Variants in SENP6 observed in about 807,000 individuals in gnomAD.
SENP6 encodes sentrin-specific protease 6.
Under a neutral mutation model 134.5 loss-of-function variants are expected in SENP6, and 41 were observed. The ratio of observed to expected loss-of-function variants is 0.30; its 90% confidence interval spans 0.24 to 0.40. The LOEUF is 0.40. SENP6 is among the 10% of genes least tolerant of loss of function. The pLI is 1.00. For missense variants in SENP6, 1,248 were observed against 1,312.5 expected (o/e 0.95, Z 0.76); for synonymous variants, 395 against 429.8 (o/e 0.92, Z 1.00).
intron 1 of SENP6, among the ~76,000 whole-genome samples, chr6:75,605,981 G>A (rs1037196713): frequency 6.6e-6 from 1 of 152,138 alleles, no homozygotes; most frequent in Non-Finnish European, 1.5e-5. Context: ...GAGCTTACAG[G>A]ACTTGATGAA....
At chr6:75,659,149 G>T (rs1161151430) in intron 7 of SENP6, 113 bp from the exon 8 acceptor site, 3 of 745,820 alleles carry the variant, frequency 4.0e-6, no homozygotes, top group Non-Finnish European at 6.5e-6. Context: ...AATAAGAGAA[G>T]AGTAATCCAG....
chr6:75,697,354 T>C, intron 17 of SENP6, 71 bp from the exon 18 acceptor site: 1 of 1,075,070 alleles, frequency 9.3e-7, no homozygotes, highest in Non-Finnish European at 1.4e-6. Context: ...CTTCTTAATT[T>C]ATAAATCACT....
At chr6:75,712,992 A>G (rs1370291940) in intron 21 of SENP6, among the ~76,000 whole-genome samples, 2 of 152,166 alleles carry the variant, frequency 1.3e-5, no homozygotes, top group African/African-American at 4.8e-5. Flanking sequence ...CTGTAGTTAC[A>G]GCTCCTCAGG....
chr6:75,627,535 G>A (rs150699943), intron 3 of SENP6, among the ~76,000 whole-genome samples: 19 of 152,222 alleles, frequency 1.2e-4, no homozygotes, highest in African/African-American at 3.6e-4. Context: ...AGGATGAAGC[G>A]GGAGGATCGT....
chr6:75,673,044 G>A (rs1772804072), intron 11 of SENP6, among the ~76,000 whole-genome samples: 2 of 152,124 alleles, frequency 1.3e-5, no homozygotes, highest in Admixed American at 1.3e-4. Context: ...AGCCAGGATG[G>A]TCTCGATCTC....
chr6:75,620,132 G>C (rs1460063720), intron 1 of SENP6, among the ~76,000 whole-genome samples: 1 of 151,114 alleles, frequency 6.6e-6, no homozygotes, highest in Admixed American at 6.6e-5. Flanking sequence ...TAATGGGTGA[G>C]AAGTAGTATC....
rs374046095 is a variant in SENP6, at chr6:75,670,662, T to C, written c.1334T>C (p.Leu445Ser). ...CAAAGTTCCTTTGACAGTGTCATTT[T>C]AAACTGTCGAAGTATACGAGTAGGA... Reference protein sequence around the residue: ...SCQSSFDSVILNCRSIRVGTL... With the variant: ...SCQSSFDSVISNCRSIRVGTL... Residue 445 changes from leucine to serine, a missense_variant, in exon 11 of 24, where the codon TTA becomes TCA. Coordinates refer to ENST00000447266, the MANE Select transcript of SENP6 (RefSeq NM_015571.4). 6 of 1,613,434 alleles carry C rather than the reference T, an allele frequency of 3.7e-6. No individual in the cohort carries two copies. Among genetic ancestry groups the C allele is most frequent in the African/African-American group, 1.3e-5 (1 of 74,932 alleles).
chr6:75,707,334 A>AT (rs1335509134), intron 19 of SENP6, among the ~76,000 whole-genome samples: 1 of 90,230 alleles, frequency 1.1e-5, no homozygotes, highest in Non-Finnish European at 2.5e-5. Context: ...AGAGGTCATT[A>AT]TTTTTTTCTT....
chr6:75,715,375 G>A lies in SENP6; in HGVS notation c.3130-10G>A. ...ACAGTTTTCTAATACGCATTTAATTGTATTTTCAGAATCCAATTCTCAGTT... is the reference window on the plus strand; with the variant it reads ...ACAGTTTTCTAATACGCATTTAATTATATTTTCAGAATCCAATTCTCAGTT... On this transcript the variant is annotated splice_polypyrimidine_tract_variant and intron_variant, in intron 23 of 23. Coordinates refer to ENST00000447266, the MANE Select transcript of SENP6 (RefSeq NM_015571.4). 2 of 1,580,166 alleles carry A rather than the reference G, an allele frequency of 1.3e-6. No individual in the cohort carries two copies. The highest frequency in any genetic ancestry group is 1.7e-6 in the Non-Finnish European group (2 of 1,155,012).
At chr6:75,701,832 G>T (rs1017514915) in intron 18 of SENP6, among the ~76,000 whole-genome samples, 2 of 151,894 alleles carry the variant, frequency 1.3e-5, no homozygotes, top group African/African-American at 4.8e-5. Flanking sequence ...TAGAGACGGG[G>T]TTTCACTGTG....
At chr6:75,626,652 T>A (rs1320213618) in intron 3 of SENP6, among the ~76,000 whole-genome samples, 1 of 152,168 alleles carries the variant, frequency 6.6e-6, no homozygotes, top group Non-Finnish European at 1.5e-5. Flanking sequence ...TGGGATAGAT[T>A]CCTAGAATTG....
rs1776051703 is a variant in SENP6 at position 75,717,014 on chromosome 6, T to C, written c.*1420T>C. On this transcript the variant is annotated 3_prime_UTR_variant, in exon 24 of 24. Transcript: ENST00000447266. ...CACAGTAGAGTCTCAGTAAGAGAAATATTAAAATGTAAGAAAGGTCACCAT... is the reference window on the plus strand; with the variant it reads ...CACAGTAGAGTCTCAGTAAGAGAAACATTAAAATGTAAGAAAGGTCACCAT... 6.6e-6 allele frequency: 1 copy of C among 151,910 alleles called. No individual in the cohort carries two copies. Among genetic ancestry groups the C allele is most frequent in the South Asian group, 2.1e-4 (1 of 4,820 alleles). The allele number at this position is 151,910 out of a possible 1,614,324, so 9.4% of individuals were successfully genotyped here. A position where few individuals can be genotyped will look rare whatever the true frequency, so the allele number is the denominator to read the frequency against.
chr6:75,652,354 A>C (rs1477844696), intron 7 of SENP6, among the ~76,000 whole-genome samples: 1 of 151,864 alleles, frequency 6.6e-6, no homozygotes, highest in Non-Finnish European at 1.5e-5. Context: ...TTTTTTAAAT[A>C]AATGTGCAGT....
chr6:75,686,016 T>A (rs1404865852), intron 16 of SENP6, among the ~76,000 whole-genome samples: 1 of 152,166 alleles, frequency 6.6e-6, no homozygotes. Flanking sequence ...CCCATTATTA[T>A]TGTGTGGGAG....
At position 75,715,371 on chromosome 6, in the gene SENP6, A is replaced by C; in HGVS notation, c.3130-14A>C. On this transcript the variant is annotated splice_polypyrimidine_tract_variant and intron_variant, in intron 23 of 23. Transcript: ENST00000447266. ...TATTACAGTTTTCTAATACGCATTT[A>C]ATTGTATTTTCAGAATCCAATTCTC... 1 of 1,562,102 alleles carries C rather than the reference A, an allele frequency of 6.4e-7. No individual in the cohort carries two copies. The highest frequency in any genetic ancestry group is 8.8e-7 in the Non-Finnish European group (1 of 1,139,418).
In SENP6 at chr6:75,695,827, AGAAG is replaced by A; in HGVS notation, c.2104_2107del (p.Glu702ThrfsTer39). The A allele has an allele frequency of 1.3e-6, 2 of 1,597,568 alleles. No homozygotes were observed. Among genetic ancestry groups the A allele is most frequent in the Non-Finnish European group, 1.7e-6 (2 of 1,172,818 alleles). ...AGATACTTGGTGCTTGAAAAACTGA[AGAAG>A]GAAGACGCTGACCGAATTCATATAT... On this transcript the variant is annotated frameshift_variant, in exon 17 of 24. Transcript: ENST00000447266. LOFTEE classifies it high-confidence loss of function.
chr6:75,605,468 A>C (rs1305719608), intron 1 of SENP6, among the ~76,000 whole-genome samples: 5 of 152,212 alleles, frequency 3.3e-5, no homozygotes, highest in Non-Finnish European at 7.3e-5. Flanking sequence ...GATGATAAAC[A>C]GTATGATAAA....
intron 16 of SENP6, among the ~76,000 whole-genome samples, chr6:75,689,578 C>G (rs1398584892): frequency 2.0e-5 from 3 of 152,176 alleles, no homozygotes; most frequent in Non-Finnish European, 4.4e-5. Context: ...GGTATACAGT[C>G]TCGTGCCACA....
At chr6:75,693,439 A>T (rs985248917) in intron 16 of SENP6, among the ~76,000 whole-genome samples, 1 of 151,526 alleles carries the variant, frequency 6.6e-6, no homozygotes, top group Non-Finnish European at 1.5e-5. Flanking sequence ...ACACCAAAGT[A>T]GCCATTATAG....
Sources: allele counts gnomAD v4.1 joint callset (sites outside exome capture counted in the v4.1 genomes callset), GRCh38; gene constraint gnomAD v4.1.1; transcripts MANE v1.5; gene names NCBI Gene and HGNC (gene_info 2026-07-23, HGNC 2026-07-21).